Variants in MECOM observed in about 807,000 individuals in gnomAD.
MECOM encodes MDS1 and EVI1 complex locus, also known as histone-lysine N-methyltransferase MECOM.
Under a neutral mutation model 116.3 loss-of-function variants are expected in MECOM, and 13 were observed. The observed-to-expected ratio is 0.11, with a 90% confidence interval of 0.07 to 0.18. The LOEUF (loss-of-function observed/expected upper bound fraction) is 0.18. Ranked by LOEUF, MECOM falls within the 10% of genes least tolerant of loss-of-function variation. The probability of loss-of-function intolerance (pLI) is 1.00; values close to 1 mark genes in which losing one functional copy is unlikely to be tolerated. For missense variants in MECOM, 1,299 were observed against 1,509.0 expected (o/e 0.86, Z 2.31); for synonymous variants, 528 against 535.2 (o/e 0.99, Z 0.19).
intron 1 of MECOM, among the ~76,000 whole-genome samples, chr3:169,575,714 T>G (rs146998539): frequency 8.9e-4 from 135 of 152,208 alleles, no homozygotes; most frequent in Non-Finnish European, 1.1e-3. Context: ...GTTCAACTGG[T>G]GGAACTGCAC....
intron 2 of MECOM, among the ~76,000 whole-genome samples, chr3:169,346,245 T>C (rs145428424): frequency 6.0e-4 from 92 of 152,250 alleles, no homozygotes; most frequent in African/African-American, 2.2e-3. Context: ...CCTAATTGCC[T>C]TACCTCTCTC....
chr3:169,436,542 G>A (rs1408748077), intron 1 of MECOM, among the ~76,000 whole-genome samples: 3 of 152,068 alleles, frequency 2.0e-5, no homozygotes, highest in Admixed American at 6.6e-5. Context: ...GAGGCACCGT[G>A]CCTGGCCCTA....
At chr3:169,565,904 A>G (rs1255475654) in intron 1 of MECOM, 1 of 435,608 alleles carries the variant, frequency 2.3e-6, no homozygotes. Flanking sequence ...GTTAGTTTTC[A>G]CACTCCTTTA....
Position 169,100,882 on chromosome 3 carries a change from G to T in MECOM, c.2849+3C>A. On this transcript the variant is annotated splice_donor_region_variant and intron_variant, in intron 12 of 16. Coordinates refer to ENST00000651503, the MANE Select transcript of MECOM (RefSeq NM_004991.4). ...AGATATTTAGCAAATATCATTGTCA[G>T]ACCTGTAAGGCTGCTCTCCTGTGTG... 6.5e-7 allele frequency: 1 copy of T among 1,543,802 alleles called. No homozygotes were observed. The highest frequency in any genetic ancestry group is 8.8e-7 in the Non-Finnish European group (1 of 1,138,220).
At chr3:169,330,097 C>T (rs1321511527) in intron 2 of MECOM, among the ~76,000 whole-genome samples, 1 of 152,164 alleles carries the variant, frequency 6.6e-6, no homozygotes, top group African/African-American at 2.4e-5. Flanking sequence ...ATGAACGCAG[C>T]TCTCTGTAGC....
At chr3:169,371,850 A>G (rs371587216) in intron 2 of MECOM, among the ~76,000 whole-genome samples, 12 of 151,988 alleles carry the variant, frequency 7.9e-5, no homozygotes, top group African/African-American at 2.2e-4. Context: ...TGCCATTTTA[A>G]TGAATATTCC....
chr3:169,111,086 T>C (rs1440050443), intron 9 of MECOM, among the ~76,000 whole-genome samples: 1 of 152,192 alleles, frequency 6.6e-6, no homozygotes, highest in Non-Finnish European at 1.5e-5. Flanking sequence ...TATGAACTGG[T>C]AAATTTACCT....
In MECOM at chr3:169,322,336, C is replaced by G. The variant is rs540887056; in HGVS notation, c.375+58851G>C. Among the ~76,000 whole-genome samples the G allele has an allele frequency of 2.0e-5, 3 of 152,248 alleles. No homozygotes were observed. The East Asian group carries it at 5.8e-4, about 29-fold the overall frequency. On this transcript the variant is annotated intron_variant, in intron 2 of 16. Transcript: ENST00000651503. The stretch of plus-strand genomic sequence containing the variant: ...ATTTGGCCAGATTGGGAATTAGGTG[C>G]AAGGGCTAACACCCAATTTTATTTT...
intron 1 of MECOM, among the ~76,000 whole-genome samples, chr3:169,554,759 G>A (rs542455408): frequency 2.0e-5 from 3 of 152,270 alleles, no homozygotes; most frequent in Admixed American, 6.5e-5. Context: ...AAAATAACAG[G>A]GCACCAAGGA....
chr3:169,393,577 C>T (rs1038975143), intron 1 of MECOM, among the ~76,000 whole-genome samples: 20 of 152,084 alleles, frequency 1.3e-4, no homozygotes, highest in Non-Finnish European at 2.4e-4. Context: ...GTAATATAAT[C>T]ATAAAATATT....
At chr3:169,176,775 AAAAC>A (rs1392302176) in intron 2 of MECOM, among the ~76,000 whole-genome samples, 2 of 152,188 alleles carry the variant, frequency 1.3e-5, no homozygotes, top group Non-Finnish European at 2.9e-5. Flanking sequence ...TTACAAGAAA[AAAAC>A]AAACAACCCC....
At chr3:169,452,252 T>C (rs1745737417) in intron 1 of MECOM, among the ~76,000 whole-genome samples, 1 of 151,982 alleles carries the variant, frequency 6.6e-6, no homozygotes. Flanking sequence ...GAGGTCAAGC[T>C]TGAGACTGCT....
intron 4 of MECOM, among the ~76,000 whole-genome samples, chr3:169,129,863 A>G (rs1734081092): frequency 6.6e-6 from 1 of 152,198 alleles, no homozygotes; most frequent in Admixed American, 6.5e-5. Flanking sequence ...TAAAATGGAT[A>G]TAATTTCTTT....
chr3:169,585,318 G>A (rs927548466), intron 1 of MECOM, among the ~76,000 whole-genome samples: 1 of 152,146 alleles, frequency 6.6e-6, no homozygotes, highest in Admixed American at 6.5e-5. Context: ...GTGCTGAATC[G>A]AAGATTTAAG....
At chr3:169,266,858 A>G (rs946280224) in intron 2 of MECOM, among the ~76,000 whole-genome samples, 1 of 151,922 alleles carries the variant, frequency 6.6e-6, no homozygotes, top group East Asian at 1.9e-4. Flanking sequence ...AATTTTATTC[A>G]GGTCATTATA....
intron 2 of MECOM, among the ~76,000 whole-genome samples, chr3:169,236,925 C>T (rs1754136175): frequency 6.6e-6 from 1 of 152,224 alleles, no homozygotes; most frequent in African/African-American, 2.4e-5. Flanking sequence ...TCATTTGGCA[C>T]TGTCCTGTCA....
At chr3:169,531,929 TG>T (rs1758679815) in intron 1 of MECOM, among the ~76,000 whole-genome samples, 3 of 152,210 alleles carry the variant, frequency 2.0e-5, no homozygotes, top group Non-Finnish European at 2.9e-5. Flanking sequence ...CAAAAGGATC[TG>T]GGTTCACAAT....
chr3:169,298,586 G>A (rs17251311), intron 2 of MECOM, among the ~76,000 whole-genome samples: 8,953 of 152,060 alleles, frequency 0.059, 277 homozygotes, highest in Middle Eastern at 0.078. Context: ...CTAGGGTACT[G>A]TAATGATTTG....
chr3:169,336,602 T>C (rs1053196639), intron 2 of MECOM, among the ~76,000 whole-genome samples: 2 of 152,136 alleles, frequency 1.3e-5, no homozygotes, highest in Non-Finnish European at 2.9e-5. Flanking sequence ...TATTTCTTCC[T>C]TAAAAGTTTT....
Sources: gnomAD v4.1 joint callset for allele counts (sites outside exome capture counted in the v4.1 genomes callset) on GRCh38, gnomAD v4.1.1 for gene constraint, MANE v1.5 for transcripts, NCBI Gene and HGNC (gene_info 2026-07-23, HGNC 2026-07-21) for gene names.